The following DOCK4 variants were observed in gnomAD, a reference collection of about 807,000 sequenced individuals.
The protein encoded by DOCK4 is dedicator of cytokinesis 4.
A neutral mutation model predicts 268.1 loss-of-function variants in DOCK4; 97 were observed. The ratio of observed to expected loss-of-function variants is 0.36; its 90% confidence interval spans 0.31 to 0.43. DOCK4 has a LOEUF of 0.43. Among genes scored for constraint, DOCK4 ranks in the 20% least tolerant of loss-of-function variants. The probability of loss-of-function intolerance (pLI) is 1.00; values close to 1 mark genes in which losing one functional copy is unlikely to be tolerated. For missense variants in DOCK4, 2,145 were observed against 2,455.7 expected (o/e 0.87, Z 2.67); for synonymous variants, 954 against 887.2 (o/e 1.08, Z -1.34).
In DOCK4 at chr7:112,160,550, A is replaced by C. The variant is rs118032772; in HGVS notation, c.37+45552T>G. Among the ~76,000 whole-genome samples, 39 of 152,266 alleles carry C rather than the reference A, an allele frequency of 2.6e-4. No homozygotes were observed. The East Asian group carries it at 7.4e-3, about 29-fold the overall frequency. ...CCTATCAAGCTGGCCCAATCTCTGG[A>C]AAGTATCTTAATCTATTTAGTAAAT... On this transcript the variant is annotated intron_variant, in intron 1 of 52. Coordinates refer to ENST00000428084, the MANE Select transcript of DOCK4 (RefSeq NM_001363540.2).
chr7:111,870,734 A>G (rs1474068080), intron 20 of DOCK4, among the ~76,000 whole-genome samples: 1 of 152,108 alleles, frequency 6.6e-6, no homozygotes, highest in South Asian at 2.1e-4. Context: ...TTAAGATAAC[A>G]TGCTAGTGAG....
At chr7:112,191,248 A>G (rs1248770995) in intron 1 of DOCK4, among the ~76,000 whole-genome samples, 1 of 152,152 alleles carries the variant, frequency 6.6e-6, no homozygotes, top group Non-Finnish European at 1.5e-5. Context: ...CCATCACGCC[A>G]GCCATGAATT....
intron 10 of DOCK4, among the ~76,000 whole-genome samples, chr7:111,941,172 T>C (rs1384029771): frequency 6.6e-6 from 1 of 152,214 alleles, no homozygotes; most frequent in African/African-American, 2.4e-5. Flanking sequence ...CCTCTTATTT[T>C]ATCAGTTAGA....
chr7:112,056,107 G>C (rs1805791777), intron 1 of DOCK4, among the ~76,000 whole-genome samples: 1 of 152,122 alleles, frequency 6.6e-6, no homozygotes, highest in Non-Finnish European at 1.5e-5. Context: ...GAGAGCAGCA[G>C]GTGGGAAAGG....
intron 1 of DOCK4, among the ~76,000 whole-genome samples, chr7:112,174,185 A>G (rs558064742): frequency 6.6e-6 from 1 of 152,278 alleles, no homozygotes; most frequent in Admixed American, 6.5e-5. Flanking sequence ...AGTCTGTGGT[A>G]TCCCATCAGA....
chr7:112,064,610 G>C (rs1806750607), intron 1 of DOCK4, among the ~76,000 whole-genome samples: 1 of 152,180 alleles, frequency 6.6e-6, no homozygotes, highest in African/African-American at 2.4e-5. Context: ...TGCCTTGTTA[G>C]ACTAGATCCT....
In DOCK4 at chr7:111,983,835, T is replaced by TACAC. The variant is rs1203628305; in HGVS notation, c.549+467_549+470dup. Among the ~76,000 whole-genome samples, 220 of 113,324 alleles carry TACAC rather than the reference T, an allele frequency of 1.9e-3. 3 individuals carry two copies. Among genetic ancestry groups the TACAC allele is most frequent in the African/African-American group, 7.4e-3 (199 of 26,832 alleles). 74.3% of individuals were successfully genotyped at this position (113,324 alleles called of 152,430 possible). A position where few individuals can be genotyped will look rare whatever the true frequency, so the allele number is the denominator to read the frequency against. ...GGTGTATATAGTGCTATTATGTATGTACACACACACGCGCGCGCGCGCGCG... is the reference window on the plus strand; with the variant it reads ...GGTGTATATAGTGCTATTATGTATGTACACACACACACACGCGCGCGCGCGCGCG... On this transcript the variant is annotated intron_variant, in intron 7 of 52. Transcript: ENST00000428084.
At chr7:112,156,189 CA>C (rs1816597378) in intron 1 of DOCK4, among the ~76,000 whole-genome samples, 3 of 152,124 alleles carry the variant, frequency 2.0e-5, no homozygotes, top group Non-Finnish European at 2.9e-5. Context: ...ATCTCAACAC[CA>C]AACTCTCAGG....
chr7:111,861,117 G>A (rs1290037306), intron 23 of DOCK4, among the ~76,000 whole-genome samples: 1 of 152,140 alleles, frequency 6.6e-6, no homozygotes, highest in African/African-American at 2.4e-5. Flanking sequence ...AGGGTGCTCC[G>A]TTGGGACCTA....
At chr7:111,933,270 A>G (rs1794397552) in intron 12 of DOCK4, among the ~76,000 whole-genome samples, 1 of 132,228 alleles carries the variant, frequency 7.6e-6, no homozygotes, top group Admixed American at 7.4e-5. Context: ...ATATATATAT[A>G]CATATATACA....
intron 1 of DOCK4, among the ~76,000 whole-genome samples, chr7:112,035,011 A>G (rs1472762667): frequency 6.6e-6 from 1 of 152,198 alleles, no homozygotes; most frequent in Non-Finnish European, 1.5e-5. Context: ...GGGACTTTGC[A>G]TGCTTCATCT....
At chr7:112,089,012 G>A (rs1299585542) in intron 1 of DOCK4, among the ~76,000 whole-genome samples, 1 of 151,756 alleles carries the variant, frequency 6.6e-6, no homozygotes, top group East Asian at 1.9e-4. Context: ...CGAAGACTTG[G>A]GTCCAAAAAA....
chr7:111,900,599 G>C (rs1791059348), intron 14 of DOCK4, 63 bp from the exon 15 acceptor site: 2 of 1,526,638 alleles, frequency 1.3e-6, no homozygotes, highest in African/African-American at 2.8e-5. Context: ...TGAAAAGGCA[G>C]AGCAATCACT....
intron 13 of DOCK4, among the ~76,000 whole-genome samples, chr7:111,912,796 G>C (rs1349883361): frequency 1.3e-5 from 2 of 152,030 alleles, no homozygotes; most frequent in Non-Finnish European, 2.9e-5. Context: ...TGTGTTCCTA[G>C]GGACAGTGTG....
chr7:112,135,096 G>C (rs11764743), intron 1 of DOCK4, among the ~76,000 whole-genome samples: 41,097 of 151,794 alleles, frequency 0.27, 6,608 homozygotes, highest in East Asian at 0.48. Flanking sequence ...TAAATCCTTA[G>C]TTTAATTTTG....
intron 42 of DOCK4, 74 bp from the exon 43 acceptor site, chr7:111,747,517 G>A: frequency 1.4e-6 from 2 of 1,408,032 alleles, no homozygotes; most frequent in South Asian, 1.4e-5. Flanking sequence ...GTTTATCCAT[G>A]TTCTGAATTA....
intron 1 of DOCK4, among the ~76,000 whole-genome samples, chr7:112,161,168 A>T (rs971721949): frequency 6.6e-6 from 1 of 152,190 alleles, no homozygotes; most frequent in African/African-American, 2.4e-5. Context: ...ATATACAAAT[A>T]TTTCTAGAAC....
chr7:112,185,842 T>C (rs536921762), intron 1 of DOCK4, among the ~76,000 whole-genome samples: 1 of 152,310 alleles, frequency 6.6e-6, no homozygotes, highest in Non-Finnish European at 1.5e-5. Context: ...ATCCAGTCTT[T>C]TATAGATCAG....
intron 1 of DOCK4, among the ~76,000 whole-genome samples, chr7:112,044,419 C>G (rs895897920): frequency 6.6e-6 from 1 of 152,118 alleles, no homozygotes; most frequent in Admixed American, 6.5e-5. Flanking sequence ...TAAAAATGAT[C>G]TGTATTGGAT....
Sources: allele counts gnomAD v4.1 joint callset (sites outside exome capture counted in the v4.1 genomes callset), GRCh38; gene constraint gnomAD v4.1.1; transcripts MANE v1.5; gene names NCBI Gene and HGNC (gene_info 2026-07-23, HGNC 2026-07-21).